Variants in SNTG1 observed in about 807,000 individuals in gnomAD.
The protein encoded by SNTG1 is syntrophin gamma 1, also known as gamma-1-syntrophin.
In SNTG1, 39 loss-of-function variants were observed where a neutral mutation model predicts 74.7. The ratio of observed to expected loss-of-function variants is 0.52; its 90% confidence interval spans 0.40 to 0.68. The LOEUF is 0.68. Among genes scored for constraint, SNTG1 ranks in the 30% least tolerant of loss-of-function variants. The probability of loss-of-function intolerance (pLI) is 0.00; values close to 1 mark genes in which losing one functional copy is unlikely to be tolerated. For synonymous variants in SNTG1, 254 were observed against 217.1 expected, an observed-to-expected ratio of 1.17 and a Z score of -1.49; for missense variants, 685 against 609.5, an observed-to-expected ratio of 1.12 and a Z score of -1.30.
intron 1 of SNTG1, among the ~76,000 whole-genome samples, chr8:50,042,560 A>G (rs1818730016): frequency 6.6e-6 from 1 of 151,968 alleles, no homozygotes; most frequent in Non-Finnish European, 1.5e-5. Context: ...GACGGTCTTT[A>G]AAAAAGAAAA....
At chr8:50,425,573 G>C (rs1226913811) in intron 4 of SNTG1, among the ~76,000 whole-genome samples, 3 of 152,030 alleles carry the variant, frequency 2.0e-5, no homozygotes, top group Admixed American at 6.6e-5. Flanking sequence ...AATAATAATA[G>C]AAATAAAGTG....
Position 50,667,979 on chromosome 8 carries a change from C to G in SNTG1, c.1038+9316C>G, listed in dbSNP as rs567464004. On this transcript the variant is annotated intron_variant, in intron 15 of 18. Coordinates refer to ENST00000642720, the MANE Select transcript of SNTG1 (RefSeq NM_018967.5). ...TTTAAAAAACGTTACAGGCCGTGCA[C>G]TTAGGTTTTAGTGTTGCTGCTCTGG... Among the ~76,000 whole-genome samples, 36 of 152,044 alleles carry G rather than the reference C, an allele frequency of 2.4e-4. 1 individual carries two copies. Among genetic ancestry groups the G allele is most frequent in the Middle Eastern group, 3.4e-3 (1 of 292 alleles).
chr8:50,378,973 C>T (rs1017512394), intron 2 of SNTG1, among the ~76,000 whole-genome samples: 2 of 152,140 alleles, frequency 1.3e-5, no homozygotes, highest in South Asian at 4.1e-4. Context: ...CCTCCCTGCC[C>T]TGAAGGTGGA....
At chr8:50,229,551 A>G (rs2085508741) in intron 2 of SNTG1, among the ~76,000 whole-genome samples, 1 of 148,354 alleles carries the variant, frequency 6.7e-6, no homozygotes, top group Admixed American at 6.7e-5. Flanking sequence ...ACAATCCTTA[A>G]CATGTACACA....
At chr8:50,207,234 C>G (rs1454346716) in intron 2 of SNTG1, among the ~76,000 whole-genome samples, 2 of 152,158 alleles carry the variant, frequency 1.3e-5, no homozygotes, top group Non-Finnish European at 1.5e-5. Context: ...ATTATTGCCT[C>G]AATTTCAGAG....
intron 17 of SNTG1, among the ~76,000 whole-genome samples, chr8:50,710,616 A>T (rs1028527874): frequency 1.3e-5 from 2 of 152,222 alleles, no homozygotes; most frequent in Admixed American, 1.3e-4. Context: ...GAGTATGCGA[A>T]TCTATTCTGA....
chr8:50,285,304 A>G (rs139765297), intron 2 of SNTG1, among the ~76,000 whole-genome samples: 2,530 of 152,146 alleles, frequency 0.017, 71 homozygotes, highest in African/African-American at 0.058. Context: ...TTTTCTCCTC[A>G]CTAATTAAGA....
chr8:50,606,045 T>C (rs1387703066), intron 13 of SNTG1, among the ~76,000 whole-genome samples: 1 of 152,170 alleles, frequency 6.6e-6, no homozygotes, highest in East Asian at 1.9e-4. Context: ...TTGAGAGTTT[T>C]TGCATTGGTG....
chr8:50,341,811 T>A (rs564344755), intron 2 of SNTG1, among the ~76,000 whole-genome samples: 196 of 152,142 alleles, frequency 1.3e-3, no homozygotes, highest in Non-Finnish European at 2.4e-3. Context: ...TTAATAGCCA[T>A]AGGAACATGA....
chr8:50,236,596 G>T lies in SNTG1; in HGVS notation c.-28+63961G>T, dbSNP rs1015293588. ...CTCCCGAGTAGCTGGGACTACAGGCGCCCGCCACTGCGCCCGGCTAATTTT... is the reference window on the plus strand; with the variant it reads ...CTCCCGAGTAGCTGGGACTACAGGCTCCCGCCACTGCGCCCGGCTAATTTT... On this transcript the variant is annotated intron_variant, in intron 2 of 18. Coordinates refer to ENST00000642720, the MANE Select transcript of SNTG1 (RefSeq NM_018967.5). 3.3e-5 allele frequency among the ~76,000 whole-genome samples: 5 copies of T among 151,540 alleles called. No individual in the cohort carries two copies. The East Asian group carries it at 9.7e-4, about 30-fold the overall frequency.
At chr8:50,269,082 C>T (rs985969051) in intron 2 of SNTG1, among the ~76,000 whole-genome samples, 1 of 152,100 alleles carries the variant, frequency 6.6e-6, no homozygotes, top group Non-Finnish European at 1.5e-5. Context: ...ACATCTTATA[C>T]AAAATTTAAC....
At chr8:50,260,948 A>G (rs910737908) in intron 2 of SNTG1, among the ~76,000 whole-genome samples, 8 of 152,154 alleles carry the variant, frequency 5.3e-5, no homozygotes, top group African/African-American at 1.9e-4. Context: ...GAATACTAGA[A>G]AGAGAGAGAA....
chr8:50,425,895 C>T (rs1305434006), intron 4 of SNTG1, among the ~76,000 whole-genome samples: 1 of 152,070 alleles, frequency 6.6e-6, no homozygotes, highest in Non-Finnish European at 1.5e-5. Flanking sequence ...ATTCCTAAAT[C>T]CCAGTTGTTT....
chr8:50,780,465 T>C (rs539900679), intron 18 of SNTG1, among the ~76,000 whole-genome samples: 109 of 152,328 alleles, frequency 7.2e-4, no homozygotes, highest in African/African-American at 2.5e-3. Context: ...TATCCATTTC[T>C]TCTAGATTTT....
At chr8:50,208,743 G>T (rs1033320960) in intron 2 of SNTG1, among the ~76,000 whole-genome samples, 1 of 152,164 alleles carries the variant, frequency 6.6e-6, no homozygotes. Flanking sequence ...AGGAGCTTTT[G>T]TAAGGCAGGC....
intron 1 of SNTG1, among the ~76,000 whole-genome samples, chr8:50,155,049 T>G (rs1028091903): frequency 6.6e-6 from 1 of 152,238 alleles, no homozygotes; most frequent in Non-Finnish European, 1.5e-5. Context: ...AAAATTCAAT[T>G]GAAATAATTT....
At chr8:50,624,158 T>C (rs188539003) in intron 13 of SNTG1, among the ~76,000 whole-genome samples, 191 of 152,166 alleles carry the variant, frequency 1.3e-3, no homozygotes, top group Non-Finnish European at 1.9e-3. Context: ...GTTATACACA[T>C]AGTCATATAT....
At chr8:49,996,613 A>C (rs1410145211) in intron 1 of SNTG1, among the ~76,000 whole-genome samples, 1 of 152,182 alleles carries the variant, frequency 6.6e-6, no homozygotes, top group Non-Finnish European at 1.5e-5. Flanking sequence ...ATTTTATTTG[A>C]ATAAATGACC....
At position 50,601,107 on chromosome 8, in the gene SNTG1, G is replaced by A. The variant is rs527986235; in HGVS notation, c.849+10190G>A. 9.3e-5 allele frequency among the ~76,000 whole-genome samples: 11 copies of A among 118,626 alleles called. No homozygotes were observed. In the South Asian group the frequency reaches 1.2e-3, roughly 13 times the overall value. 77.8% of individuals were successfully genotyped at this position (118,626 alleles called of 152,430 possible). A position where few individuals can be genotyped will look rare whatever the true frequency, so the allele number is the denominator to read the frequency against. On this transcript the variant is annotated intron_variant, in intron 13 of 18. Transcript: ENST00000642720. ...TGGGAGGTGGAGGTTTCAGTGAGCC[G>A]AGATCGCGTCACTTCACTCCAGCCT...
Sources: allele counts gnomAD v4.1 joint callset (sites outside exome capture counted in the v4.1 genomes callset), GRCh38; gene constraint gnomAD v4.1.1; transcripts MANE v1.5; gene names NCBI Gene and HGNC (gene_info 2026-07-23, HGNC 2026-07-21).